NAV1: variants seen among roughly 807,000 people sequenced by gnomAD.
NAV1 encodes pore membrane and/or filament interacting like protein 3.
A neutral mutation model predicts 175.2 loss-of-function variants in NAV1; 18 were observed. The observed-to-expected ratio is 0.10, with a 90% CI of 0.07 to 0.15. The LOEUF is 0.15. Among genes scored for constraint, NAV1 ranks in the 10% least tolerant of loss-of-function variants. The pLI, the probability that NAV1 is intolerant of heterozygous loss-of-function variation, is 1.00. For missense variants in NAV1, 1,731 were observed against 2,436.6 expected, an observed-to-expected ratio of 0.71 and a Z score of 6.10; for synonymous variants, 897 against 978.7, an observed-to-expected ratio of 0.92 and a Z score of 1.56.
At chr1:201,632,624 T>C (rs1197970223) in intron 2 of NAV1, among the ~76,000 whole-genome samples, 1 of 152,260 alleles carries the variant, frequency 6.6e-6, no homozygotes, top group Non-Finnish European at 1.5e-5. Context: ...CTTTAATGAC[T>C]TCCACTTTGT....
At chr1:201,819,409 G>T (rs113260021) in intron 29 of NAV1, among the ~76,000 whole-genome samples, 12 of 151,236 alleles carry the variant, frequency 7.9e-5, no homozygotes, top group African/African-American at 2.9e-4. Flanking sequence ...TCTAAACTCT[G>T]AGCTCTTCAT....
At chr1:201,696,999 C>T (rs1671220314) in intron 1 of NAV1, among the ~76,000 whole-genome samples, 1 of 152,180 alleles carries the variant, frequency 6.6e-6, no homozygotes, top group Admixed American at 6.5e-5. Context: ...GCTCACTAAA[C>T]AAAAAATTTT....
intron 3 of NAV1, chr1:201,739,571 C>A (rs2102548482): frequency 6.2e-6 from 1 of 160,830 alleles, no homozygotes; most frequent in South Asian, 2.0e-4. Context: ...TGCTCACACC[C>A]CCTCCTGCCA....
chr1:201,757,617 T>A (rs569940706), intron 3 of NAV1, among the ~76,000 whole-genome samples: 4 of 152,172 alleles, frequency 2.6e-5, no homozygotes, highest in Non-Finnish European at 5.9e-5. Context: ...ATACTCTACA[T>A]CTCCAGTGCT....
chr1:201,752,625 A>G (rs563016204), intron 3 of NAV1, among the ~76,000 whole-genome samples: 1 of 150,286 alleles, frequency 6.7e-6, no homozygotes, highest in East Asian at 1.9e-4. Context: ...TTTTTTTTTA[A>G]TTGCTCTGTA....
chr1:201,675,205 C>G (rs1424743568), intron 1 of NAV1, among the ~76,000 whole-genome samples: 1 of 152,174 alleles, frequency 6.6e-6, no homozygotes, highest in Non-Finnish European at 1.5e-5. Context: ...AATCTGTCCA[C>G]CACCATGTCA....
chr1:201,806,859 T>C (rs1407165209), intron 17 of NAV1, among the ~76,000 whole-genome samples: 3 of 152,132 alleles, frequency 2.0e-5, no homozygotes, highest in Admixed American at 2.0e-4. Context: ...ACCCACCAGC[T>C]CCATCCATCA....
rs143022540 is a variant in NAV1 at position 201,574,592 on chromosome 1, C to T, written c.-143-13947C>T. Among the ~76,000 whole-genome samples the T allele has an allele frequency of 2.7e-3, 413 of 152,288 alleles. 1 individual carries two copies. Among genetic ancestry groups the T allele is most frequent in the Non-Finnish European group, 5.1e-3 (346 of 68,026 alleles). ...TTGGATATCCCAGTAGCTTACTGAG[C>T]AAGTGGGAAGGCTGCAGAACCAGGC... On this transcript the variant is annotated intron_variant, in intron 1 of 33. Coordinates refer to the NAV1 transcript ENST00000685211.
At chr1:201,625,737 C>T (rs1236837843) in intron 1 of NAV1, among the ~76,000 whole-genome samples, 1 of 152,168 alleles carries the variant, frequency 6.6e-6, no homozygotes, top group Non-Finnish European at 1.5e-5. Context: ...ATTTTGAATT[C>T]ATTCTTTGGG....
At chr1:201,642,418 G>C (rs1295558073) in intron 2 of NAV1, among the ~76,000 whole-genome samples, 1 of 151,590 alleles carries the variant, frequency 6.6e-6, no homozygotes, top group Non-Finnish European at 1.5e-5. Context: ...GTACAGACGG[G>C]GTTTCACCGT....
Position 201,751,918 on chromosome 1 carries a change from C to T in NAV1, c.1227-28503C>T, listed in dbSNP as rs1291515939. Reference sequence around the variant, plus strand: ...AAGAATTAAGATTCCTTTTTCTTTTCGTTCTTTTTTTGTTCAAAGCTTTGT... The same window carrying T: ...AAGAATTAAGATTCCTTTTTCTTTTTGTTCTTTTTTTGTTCAAAGCTTTGT... On this transcript the variant is annotated intron_variant, in intron 3 of 29. Coordinates refer to ENST00000367296, the Ensembl canonical transcript of NAV1. Among the ~76,000 whole-genome samples, 9 of 152,238 alleles carry T rather than the reference C, an allele frequency of 5.9e-5. No individual in the cohort carries two copies. In the South Asian group the frequency reaches 1.7e-3, roughly 28 times the overall value.
At chr1:201,661,262 ATCGGT>A (rs956877016) in intron 1 of NAV1, among the ~76,000 whole-genome samples, 9 of 152,180 alleles carry the variant, frequency 5.9e-5, no homozygotes, top group Non-Finnish European at 1.0e-4. Context: ...GCCTATAGGA[ATCGGT>A]TCTCTCTTGC....
chr1:201,617,218 C>G (rs1204125434), intron 2 of NAV1, among the ~76,000 whole-genome samples: 1 of 150,114 alleles, frequency 6.7e-6, no homozygotes, highest in Non-Finnish European at 1.5e-5. Flanking sequence ...CTCTCTCTCT[C>G]TCTCTCTCTC....
chr1:201,786,644 G>A, intron 9 of NAV1, 67 bp downstream of exon 13: 15 of 1,504,160 alleles, frequency 1.0e-5, no homozygotes, highest in Non-Finnish European at 1.3e-5. Flanking sequence ...GGTGAGGCAA[G>A]GCAGGTGGGC....
rs1024769921 is a variant in NAV1 at position 201,789,942 on chromosome 1, C to T, written c.3219+150C>T. 2.6e-5 allele frequency: 19 copies of T among 736,784 alleles called. No individual in the cohort carries two copies. In the East Asian group the frequency reaches 4.5e-4, roughly 17 times the overall value. The allele number at this position is 736,784 out of a possible 1,614,324, so 45.6% of individuals were successfully genotyped here. ...CATTGGGGTGGGAATGGGGGAGGCA[C>T]CTAGAGCTTGTAGCATTCACTTGGG... On this transcript the variant is annotated intron_variant, in intron 11 of 29. Coordinates refer to ENST00000367296, the Ensembl canonical transcript of NAV1.
At chr1:201,791,704 C>T (rs1268691845) in intron 13 of NAV1, 1 of 152,242 alleles carries the variant, frequency 6.6e-6, no homozygotes. Flanking sequence ...GAATCTCCAC[C>T]AAGATTCTGA....
At chr1:201,704,554 C>T (rs1671584276) in intron 1 of NAV1, among the ~76,000 whole-genome samples, 1 of 152,236 alleles carries the variant, frequency 6.6e-6, no homozygotes, top group Non-Finnish European at 1.5e-5. Context: ...TAGATTTGTT[C>T]TGAAGGCCAG....
intron 2 of NAV1, among the ~76,000 whole-genome samples, chr1:201,608,092 C>T (rs992312334): frequency 2.0e-5 from 3 of 152,088 alleles, no homozygotes; most frequent in African/African-American, 7.2e-5. Flanking sequence ...TTTTAAAGGA[C>T]TTACCATGTG....
At chr1:201,794,911 CACAA>C (rs1209951120) in intron 15 of NAV1, 8 of 229,498 alleles carry the variant, frequency 3.5e-5, no homozygotes, top group Admixed American at 2.5e-4. Context: ...TCCACACACA[CACAA>C]ACAATCTTAT....
Sources: allele counts gnomAD v4.1 joint callset (sites outside exome capture counted in the v4.1 genomes callset), GRCh38; gene constraint gnomAD v4.1.1; transcripts MANE v1.5; gene names NCBI Gene and HGNC (gene_info 2026-07-23, HGNC 2026-07-21).